AGBL4: variants seen among roughly 807,000 people sequenced by gnomAD.
AGBL4 encodes the protein AGBL carboxypeptidase 4.
Under a neutral mutation model 66.4 loss-of-function variants are expected in AGBL4, and 58 were observed. That is an observed-to-expected ratio of 0.87 (90% CI 0.71 to 1.09). The LOEUF is 1.09. Among genes scored for constraint, AGBL4 ranks in the 50% least tolerant of loss-of-function variants. The pLI, the probability that AGBL4 is intolerant of heterozygous loss-of-function variation, is 0.00. For missense variants in AGBL4, 579 were observed against 631.0 expected (o/e 0.92, Z 0.88); for synonymous variants, 234 against 222.9 (o/e 1.05, Z -0.44).
At chr1:49,591,248 C>G (rs1024526500) in intron 3 of AGBL4, among the ~76,000 whole-genome samples, 2 of 150,446 alleles carry the variant, frequency 1.3e-5, no homozygotes, top group African/African-American at 4.9e-5. Flanking sequence ...AGAAGATTAA[C>G]AAAATTGACA....
chr1:48,721,826 T>C (rs922720765), intron 6 of AGBL4, among the ~76,000 whole-genome samples: 14 of 152,278 alleles, frequency 9.2e-5, no homozygotes, highest in African/African-American at 3.4e-4. Flanking sequence ...TTCACTGTCA[T>C]CCAGGCCTGG....
At chr1:49,115,550 T>A (rs1367318343) in intron 4 of AGBL4, among the ~76,000 whole-genome samples, 1 of 152,006 alleles carries the variant, frequency 6.6e-6, no homozygotes, top group Admixed American at 6.6e-5. Context: ...ATTTGGTCAA[T>A]AAATATATAC....
At chr1:48,654,290 G>A (rs76888693) in intron 7 of AGBL4, among the ~76,000 whole-genome samples, 3,990 of 152,212 alleles carry the variant, frequency 0.026, 165 homozygotes, top group African/African-American at 0.088. Context: ...GCTGAAGCCA[G>A]AAGGATCTTC....
chr1:49,699,855 T>G (rs1647054027), intron 2 of AGBL4, among the ~76,000 whole-genome samples: 1 of 151,852 alleles, frequency 6.6e-6, no homozygotes, highest in African/African-American at 2.4e-5. Context: ...ATATTATATA[T>G]CATACTGGAA....
At chr1:48,621,264 G>A (rs527282037) in intron 9 of AGBL4, among the ~76,000 whole-genome samples, 2 of 152,132 alleles carry the variant, frequency 1.3e-5, no homozygotes, top group African/African-American at 4.8e-5. Context: ...TAGAAGGATG[G>A]CTGGTTAGAC....
At chr1:49,434,461 A>G (rs1645856009) in intron 3 of AGBL4, among the ~76,000 whole-genome samples, 1 of 152,172 alleles carries the variant, frequency 6.6e-6, no homozygotes, top group South Asian at 2.1e-4. Context: ...TTGGTTAGGC[A>G]AAAGTAAAGC....
intron 7 of AGBL4, among the ~76,000 whole-genome samples, chr1:48,657,357 T>A (rs1570154610): frequency 6.6e-6 from 1 of 152,188 alleles, no homozygotes; most frequent in East Asian, 1.9e-4. Flanking sequence ...GATTTGCTGT[T>A]CCAGCCGAAA....
intron 1 of AGBL4, among the ~76,000 whole-genome samples, chr1:49,865,054 G>A (rs1000185028): frequency 1.3e-5 from 2 of 152,306 alleles, no homozygotes. Context: ...GGGCCTCCCT[G>A]CTGAAATGTC....
At chr1:49,840,669 C>T (rs1381243816) in intron 2 of AGBL4, among the ~76,000 whole-genome samples, 1 of 152,132 alleles carries the variant, frequency 6.6e-6, no homozygotes, top group Non-Finnish European at 1.5e-5. Context: ...AGCTAATTCA[C>T]CACAATCAAG....
In AGBL4 at chr1:49,159,008, T is replaced by C. The variant is rs200760143; in HGVS notation, c.377+86762A>G. On this transcript the variant is annotated intron_variant, in intron 4 of 13. Transcript: ENST00000371839. ...ATACAGCACACCGATGGGTCTTGTC[T>C]CTTTATCCAATTTGCCAGTCTGTGT... Among the ~76,000 whole-genome samples the C allele has an allele frequency of 5.3e-5, 8 of 150,534 alleles. No individual in the cohort carries two copies. The East Asian group carries it at 1.6e-3, about 29-fold the overall frequency.
intron 5 of AGBL4, among the ~76,000 whole-genome samples, chr1:48,993,729 C>A (rs974036985): frequency 6.6e-6 from 1 of 152,160 alleles, no homozygotes; most frequent in Non-Finnish European, 1.5e-5. Flanking sequence ...AATGCTCCCT[C>A]CATGAGTATT....
At chr1:48,623,438 A>G (rs1288879246) in intron 9 of AGBL4, among the ~76,000 whole-genome samples, 1 of 152,240 alleles carries the variant, frequency 6.6e-6, no homozygotes, top group African/African-American at 2.4e-5. Flanking sequence ...ATTTCCTGAT[A>G]GAAGGTTAAA....
intron 4 of AGBL4, among the ~76,000 whole-genome samples, chr1:49,111,219 T>C (rs544336022): frequency 2.6e-5 from 4 of 151,972 alleles, no homozygotes; most frequent in African/African-American, 9.7e-5. Context: ...GTTCACGCCA[T>C]TCTCCTGCTT....
chr1:49,390,768 C>T (rs948693229), intron 3 of AGBL4, among the ~76,000 whole-genome samples: 1 of 152,168 alleles, frequency 6.6e-6, no homozygotes, highest in African/African-American at 2.4e-5. Context: ...TGTTTTGGCC[C>T]ACTAGCAACT....
chr1:49,479,467 C>T (rs1418953278), intron 3 of AGBL4, among the ~76,000 whole-genome samples: 2 of 151,820 alleles, frequency 1.3e-5, no homozygotes, highest in African/African-American at 4.8e-5. Flanking sequence ...ACCCTCCACC[C>T]TCTGATAGGC....
At chr1:49,024,875 C>G (rs1254301407) in intron 5 of AGBL4, among the ~76,000 whole-genome samples, 2 of 152,170 alleles carry the variant, frequency 1.3e-5, no homozygotes, top group East Asian at 3.9e-4. Context: ...TTGCTGGTGA[C>G]TCTAGAGAGG....
chr1:49,096,455 A>G (rs1645104671), intron 4 of AGBL4, among the ~76,000 whole-genome samples: 1 of 151,886 alleles, frequency 6.6e-6, no homozygotes. Flanking sequence ...TCCAACAATG[A>G]TAGACTGGAT....
chr1:48,568,518 A>C (rs1340771171), intron 11 of AGBL4, among the ~76,000 whole-genome samples: 1 of 152,164 alleles, frequency 6.6e-6, no homozygotes, highest in Non-Finnish European at 1.5e-5. Context: ...GCCAGCCCAA[A>C]CCACACAGGC....
intron 3 of AGBL4, among the ~76,000 whole-genome samples, chr1:49,586,138 T>C (rs1479296171): frequency 6.6e-6 from 1 of 152,200 alleles, no homozygotes; most frequent in Admixed American, 6.5e-5. Context: ...CTTTTATATA[T>C]GTTGCCTCAT....
Sources: allele counts gnomAD v4.1 joint callset (sites outside exome capture counted in the v4.1 genomes callset), GRCh38; gene constraint gnomAD v4.1.1; transcripts MANE v1.5; gene names NCBI Gene and HGNC (gene_info 2026-07-23, HGNC 2026-07-21).